The following BRINP2 variants were observed in gnomAD, a reference collection of about 807,000 sequenced individuals.
The protein encoded by BRINP2 is BMP/retinoic acid-inducible neural-specific protein 2.
In BRINP2, 21 loss-of-function variants were observed where a neutral mutation model predicts 69.2. The observed-to-expected ratio is 0.30, with a 90% CI of 0.22 to 0.44. The LOEUF (loss-of-function observed/expected upper bound fraction) is 0.44, where lower values mean the gene tolerates loss of function less well. Among genes scored for constraint, BRINP2 ranks in the 20% least tolerant of loss-of-function variants. The probability of loss-of-function intolerance (pLI) is 1.00; values close to 1 mark genes in which losing one functional copy is unlikely to be tolerated. For synonymous variants in BRINP2, 380 were observed against 394.1 expected, an observed-to-expected ratio of 0.96 and a Z score of 0.42; for missense variants, 877 against 986.0, an observed-to-expected ratio of 0.89 and a Z score of 1.48.
In BRINP2 at chr1:177,229,852, A is replaced by G; in HGVS notation, c.-25A>G. 3 of 1,557,030 alleles carry G rather than the reference A, an allele frequency of 1.9e-6. No homozygotes were observed. Among genetic ancestry groups the G allele is most frequent in the South Asian group, 2.4e-5 (2 of 82,352 alleles). ...AGCGGGAGAGCGTGGCGAGAGAATG[A>G]AGAAACCAATCGCCCGGGAGAAGCA... On this transcript the variant is annotated 5_prime_UTR_variant, in exon 2 of 8. Coordinates refer to ENST00000361539, the MANE Select transcript of BRINP2 (RefSeq NM_021165.4).
Position 177,276,333 on chromosome 1 carries a change from C to T in BRINP2, c.911C>T (p.Pro304Leu), listed in dbSNP as rs201590359. ...TGGTGCAAGTGCAGCCCCACCTTCCCTGAATGCAACTGCCCTGATGCTGAC... is the reference window on the plus strand; with the variant it reads ...TGGTGCAAGTGCAGCCCCACCTTCCTTGAATGCAACTGCCCTGATGCTGAC... ...DCWCKCSPTF[P>L]ECNCPDADIQ... is the part of the protein sequence containing the mutation. The change falls in exon 6 of 8, where the codon CCT becomes CTT. Residue 304 changes from proline (P) to leucine (L), a missense_variant. Pro to Leu is a moderately conservative substitution (Grantham distance 98, BLOSUM62 -3). This residue lies in a region of BRINP2 where 566 missense variants were observed against 625.2 expected (regional missense o/e 0.91). Transcript: ENST00000361539. The T allele has an allele frequency of 2.4e-5, 39 of 1,614,232 alleles. No individual in the cohort carries two copies. In the African/African-American group the frequency reaches 4.8e-4, roughly 20 times the overall value.
intron 1 of BRINP2, among the ~76,000 whole-genome samples, chr1:177,199,233 A>G (rs1047811940): frequency 6.6e-6 from 1 of 152,212 alleles, no homozygotes; most frequent in Non-Finnish European, 1.5e-5. Flanking sequence ...ATTGTAGGCC[A>G]AATTTGAGGA....
At chr1:177,231,643 C>G (rs1649863144) in intron 2 of BRINP2, among the ~76,000 whole-genome samples, 1 of 152,248 alleles carries the variant, frequency 6.6e-6, no homozygotes, top group Non-Finnish European at 1.5e-5. Flanking sequence ...CTACCCAGCT[C>G]TCCTTTCAGG....
intron 1 of BRINP2, among the ~76,000 whole-genome samples, chr1:177,229,093 C>A (rs1391197436): frequency 6.6e-6 from 1 of 152,190 alleles, no homozygotes; most frequent in Non-Finnish European, 1.5e-5. Flanking sequence ...GCATGATCCA[C>A]TCCGATGACG....
At chr1:177,182,935 TTTGTTG>T (rs773100272) in intron 1 of BRINP2, among the ~76,000 whole-genome samples, 4 of 152,138 alleles carry the variant, frequency 2.6e-5, no homozygotes, top group Non-Finnish European at 4.4e-5. Flanking sequence ...ACTTAGGGGT[TTTGTTG>T]TTGTTGTTGT....
At chr1:177,183,515 G>A (rs1270669136) in intron 1 of BRINP2, among the ~76,000 whole-genome samples, 2 of 152,026 alleles carry the variant, frequency 1.3e-5, no homozygotes, top group Non-Finnish European at 2.9e-5. Flanking sequence ...AGAGGAGAGT[G>A]ACAGGAAAAA....
intron 1 of BRINP2, among the ~76,000 whole-genome samples, chr1:177,177,099 T>G (rs1648110997): frequency 6.6e-6 from 1 of 152,082 alleles, no homozygotes; most frequent in Non-Finnish European, 1.5e-5. Flanking sequence ...AAGAAAGGCA[T>G]GGCCATGTAT....
At chr1:177,279,771 C>T (rs1453769938) in intron 7 of BRINP2, among the ~76,000 whole-genome samples, 1 of 152,212 alleles carries the variant, frequency 6.6e-6, no homozygotes, top group African/African-American at 2.4e-5. Flanking sequence ...AACAGGGAAG[C>T]CGTTTATAAA....
chr1:177,210,732 A>G (rs534943686), intron 1 of BRINP2, among the ~76,000 whole-genome samples: 1 of 152,106 alleles, frequency 6.6e-6, no homozygotes, highest in South Asian at 2.1e-4. Context: ...TTTTTTAACT[A>G]TAAATTATTT....
chr1:177,233,552 G>T (rs7541777), intron 2 of BRINP2, among the ~76,000 whole-genome samples: 1,915 of 152,304 alleles, frequency 0.013, 33 homozygotes, highest in African/African-American at 0.045. Context: ...TCTGCTGAGG[G>T]TCTAGCATTC....
At position 177,218,854 on chromosome 1, in the gene BRINP2, GA is replaced by G. The variant is rs1649447248; in HGVS notation, c.-76-10946del. On this transcript the variant is annotated intron_variant, in intron 1 of 7. Transcript: ENST00000361539. ...CCCACATTTTCACCAAGGTGTTTTT[GA>G]CTGGATAGTTGATGTTTCTCTGGGA... Among the ~76,000 whole-genome samples the G allele has an allele frequency of 2.6e-5, 4 of 152,282 alleles. No homozygotes were observed. In the South Asian group the frequency reaches 8.3e-4, roughly 32 times the overall value.
intron 1 of BRINP2, among the ~76,000 whole-genome samples, chr1:177,207,544 G>A (rs535799861): frequency 6.6e-6 from 1 of 152,282 alleles, no homozygotes; most frequent in South Asian, 2.1e-4. Context: ...TCTGGGCTGA[G>A]TGGCAAATAC....
rs141013587 is a variant in BRINP2 at position 177,181,608 on chromosome 1, G to T, written c.-77+9876G>T. Among the ~76,000 whole-genome samples, 676 of 152,332 alleles carry T rather than the reference G, an allele frequency of 4.4e-3. 4 individuals are homozygous for T. Among genetic ancestry groups the T allele is most frequent in the African/African-American group, 0.015 (643 of 41,578 alleles). On this transcript the variant is annotated intron_variant, in intron 1 of 7. Coordinates refer to ENST00000361539, the MANE Select transcript of BRINP2 (RefSeq NM_021165.4). ...TTGAGACATAGAAATAACTAAGCAC[G>T]CAGTGAGGACTGTGGGGGCAGCTAA...
intron 4 of BRINP2, among the ~76,000 whole-genome samples, chr1:177,272,432 G>A (rs1173388392): frequency 1.3e-5 from 2 of 152,204 alleles, no homozygotes; most frequent in Non-Finnish European, 2.9e-5. Context: ...TACCTACTGT[G>A]TGCCAGAAAC....
At chr1:177,241,241 G>T (rs556234167) in intron 2 of BRINP2, among the ~76,000 whole-genome samples, 18 of 152,318 alleles carry the variant, frequency 1.2e-4, no homozygotes, top group African/African-American at 1.9e-4. Context: ...AAAATGCTGG[G>T]ATTACAGGCG....
intron 1 of BRINP2, among the ~76,000 whole-genome samples, chr1:177,174,820 A>T (rs1347776679): frequency 6.6e-6 from 1 of 152,178 alleles, no homozygotes; most frequent in Non-Finnish European, 1.5e-5. Context: ...TTGCCCTAGA[A>T]CCTAGGCAGG....
intron 1 of BRINP2, among the ~76,000 whole-genome samples, chr1:177,200,783 C>A (rs1409377431): frequency 1.3e-5 from 2 of 152,064 alleles, no homozygotes; most frequent in Non-Finnish European, 2.9e-5. Context: ...GTATACACAC[C>A]TACCCACCAG....
At position 177,257,357 on chromosome 1, in the gene BRINP2, T is replaced by C. The variant is rs758729372; in HGVS notation, c.642T>C (p.His214=). The change falls in exon 4 of 8, where the codon CAT becomes CAC. Residue 214 remains histidine, a synonymous_variant. Transcript: ENST00000361539. ...AGAGCACGCTGCGACGGCTGCACCA[T>C]ATCCAGATAGCCACGGGGGCCATCA... The part of the protein sequence containing the change: ...DRESTLRRLH[H]IQIATGAIKV... The C allele has an allele frequency of 1.2e-6, 2 of 1,612,206 alleles. No homozygotes were observed. The highest frequency in any genetic ancestry group is 2.2e-5 in the East Asian group (1 of 44,786).
intron 2 of BRINP2, among the ~76,000 whole-genome samples, chr1:177,243,211 G>A (rs1650260167): frequency 6.6e-6 from 1 of 152,064 alleles, no homozygotes; most frequent in South Asian, 2.1e-4. Context: ...AGAATAGGTA[G>A]TCTTACTCTA....
Sources: allele counts gnomAD v4.1 joint callset (sites outside exome capture counted in the v4.1 genomes callset), GRCh38; gene constraint gnomAD v4.1.1; regional missense constraint gnomAD v4.1.1; transcripts MANE v1.5; gene names NCBI Gene and HGNC (gene_info 2026-07-23, HGNC 2026-07-21).